Variants in ITPR2 observed in about 807,000 individuals in gnomAD.
ITPR2 encodes the protein inositol 1,4,5-trisphosphate receptor type 2.
Under a neutral mutation model 317.1 loss-of-function variants are expected in ITPR2, and 207 were observed. The ratio of observed to expected loss-of-function variants is 0.65; its 90% CI spans 0.58 to 0.73. The LOEUF (loss-of-function observed/expected upper bound fraction) is 0.73. Among genes scored for constraint, ITPR2 ranks in the 30% least tolerant of loss-of-function variants. The probability of loss-of-function intolerance (pLI) is 0.00; values close to 1 mark genes in which losing one functional copy is unlikely to be tolerated. For synonymous variants in ITPR2, 1,156 were observed against 1,149.1 expected (o/e 1.01, Z -0.12); for missense variants, 2,613 against 3,284.0 (o/e 0.80, Z 4.99).
At chr12:26,490,609 T>C (rs1278277805) in intron 39 of ITPR2, among the ~76,000 whole-genome samples, 1 of 152,136 alleles carries the variant, frequency 6.6e-6, no homozygotes, top group African/African-American at 2.4e-5. Flanking sequence ...GGTCAGGAGT[T>C]GGAGACCAGC....
intron 18 of ITPR2, 135 bp from the exon 19 acceptor site, chr12:26,656,683 G>A (rs915925117): frequency 2.2e-5 from 19 of 854,490 alleles, no homozygotes; most frequent in African/African-American, 2.0e-4. Flanking sequence ...ACTCTTGACT[G>A]TAGTATGTTA....
At chr12:26,434,104 G>A (rs1276617232) in intron 48 of ITPR2, among the ~76,000 whole-genome samples, 1 of 152,000 alleles carries the variant, frequency 6.6e-6, no homozygotes, top group African/African-American at 2.4e-5. Context: ...ACCATTAATG[G>A]GTAAAGAATG....
At chr12:26,767,764 T>C (rs1949748791) in intron 2 of ITPR2, among the ~76,000 whole-genome samples, 18 of 152,236 alleles carry the variant, frequency 1.2e-4, no homozygotes, top group Admixed American at 1.2e-3. Context: ...TAAATTACGA[T>C]GTATTAAATC....
At position 26,589,849 on chromosome 12, in the gene ITPR2, TATATAC is replaced by T. The variant is rs1320715950; in HGVS notation, c.4380+5610_4380+5615del. Among the ~76,000 whole-genome samples, 25 of 39,844 alleles carry T rather than the reference TATATAC, an allele frequency of 6.3e-4. 1 individual carries two copies. Among genetic ancestry groups the T allele is most frequent in the Admixed American group, 1.8e-3 (6 of 3,276 alleles). The allele number at this position is 39,844 out of a possible 152,430, so 26.1% of individuals were successfully genotyped here. A position where few individuals can be genotyped will look rare whatever the true frequency, so the allele number is the denominator to read the frequency against. Reference sequence around the variant, plus strand: ...ATAAATAAACATATATATATATATATATATACACACACACACACACACACACACACA... The same window carrying T: ...ATAAATAAACATATATATATATATATACACACACACACACACACACACACA... On this transcript the variant is annotated intron_variant, in intron 32 of 56. Coordinates refer to ENST00000381340, the MANE Select transcript of ITPR2 (RefSeq NM_002223.4).
chr12:26,414,264 T>TA (rs1718277892), intron 51 of ITPR2, among the ~76,000 whole-genome samples: 1 of 152,180 alleles, frequency 6.6e-6, no homozygotes, highest in African/African-American at 2.4e-5. Flanking sequence ...ATATATGATG[T>TA]TTCCATTCTG....
chr12:26,408,086 G>A (rs1011493084), intron 52 of ITPR2, among the ~76,000 whole-genome samples: 1 of 152,158 alleles, frequency 6.6e-6, no homozygotes, highest in African/African-American at 2.4e-5. Flanking sequence ...CTATTGTGAT[G>A]ATCAGTCATA....
rs200974007 is a variant in ITPR2, at chr12:26,427,500, CT to C, written c.6945+412del. 4.3e-3 allele frequency among the ~76,000 whole-genome samples: 648 copies of C among 152,108 alleles called. 3 individuals carry two copies. Among genetic ancestry groups the C allele is most frequent in the Middle Eastern group, 0.01 (3 of 294 alleles). ...ATTTTCTCATATAGAAATCCTTTTT[CT>C]TAGGTCATTTGATGAAAGGTGCCCA... On this transcript the variant is annotated intron_variant, in intron 49 of 56. Transcript: ENST00000381340.
chr12:26,502,889 T>C (rs1391019439), intron 37 of ITPR2, among the ~76,000 whole-genome samples: 2 of 152,202 alleles, frequency 1.3e-5, no homozygotes, highest in Non-Finnish European at 2.9e-5. Context: ...TTCTGTGATG[T>C]CTGTTATATT....
At chr12:26,643,159 C>T (rs986262336) in intron 21 of ITPR2, among the ~76,000 whole-genome samples, 4 of 152,124 alleles carry the variant, frequency 2.6e-5, no homozygotes, top group Non-Finnish European at 5.9e-5. Flanking sequence ...AGCAGACCCC[C>T]ACTGGACACC....
chr12:26,737,458 T>C (rs968257404), intron 2 of ITPR2, among the ~76,000 whole-genome samples: 1 of 152,130 alleles, frequency 6.6e-6, no homozygotes, highest in African/African-American at 2.4e-5. Context: ...TTTCACCATG[T>C]TGGACAGGCT....
chr12:26,442,277 C>T (rs892849211), intron 46 of ITPR2, among the ~76,000 whole-genome samples: 5 of 152,094 alleles, frequency 3.3e-5, no homozygotes, highest in African/African-American at 7.2e-5. Context: ...CGCTCAGGCA[C>T]CACTAATTAT....
chr12:26,349,106 C>T (rs1478621524), intron 55 of ITPR2, among the ~76,000 whole-genome samples: 3 of 152,138 alleles, frequency 2.0e-5, no homozygotes, highest in Admixed American at 1.3e-4. Context: ...TATGATCATG[C>T]CACTGCACTC....
chr12:26,773,335 T>C (rs991704458), intron 2 of ITPR2, among the ~76,000 whole-genome samples: 2 of 152,220 alleles, frequency 1.3e-5, no homozygotes, highest in Non-Finnish European at 2.9e-5. Context: ...AAAAAATACA[T>C]ATTTATTCAG....
chr12:26,403,763 C>T (rs942907496), intron 52 of ITPR2, among the ~76,000 whole-genome samples: 3 of 152,176 alleles, frequency 2.0e-5, no homozygotes, highest in African/African-American at 7.2e-5. Flanking sequence ...TTTGCCTTGA[C>T]TCATCAATGT....
At chr12:26,829,113 C>A (rs1356306338) in intron 1 of ITPR2, among the ~76,000 whole-genome samples, 1 of 152,130 alleles carries the variant, frequency 6.6e-6, no homozygotes, top group Non-Finnish European at 1.5e-5. Flanking sequence ...CTGAAAGCAA[C>A]TTTCAAGTGT....
At chr12:26,462,673 C>CTTTT (rs1555134095) in intron 45 of ITPR2, among the ~76,000 whole-genome samples, 1 of 62,776 alleles carries the variant, frequency 1.6e-5, no homozygotes. Context: ...AGCTTTCTTT[C>CTTTT]TTTTTTTTTT....
chr12:26,452,651 A>G (rs1326353815), intron 45 of ITPR2, among the ~76,000 whole-genome samples: 1 of 152,166 alleles, frequency 6.6e-6, no homozygotes, highest in Non-Finnish European at 1.5e-5. Flanking sequence ...AAGTGAGTGC[A>G]TTCTCACTCT....
In ITPR2 at chr12:26,376,073, C is replaced by T. The variant is rs143499532; in HGVS notation, c.7857+11361G>A. On this transcript the variant is annotated intron_variant, in intron 55 of 56. Coordinates refer to ENST00000381340, the MANE Select transcript of ITPR2 (RefSeq NM_002223.4). Reference sequence around the variant, plus strand: ...CCAGGATCATGTCTGAGCAAAAGGGCGAGACCCGGTCTCAAAAAAGACACT... The same window carrying T: ...CCAGGATCATGTCTGAGCAAAAGGGTGAGACCCGGTCTCAAAAAAGACACT... Among the ~76,000 whole-genome samples the T allele has an allele frequency of 4.7e-3, 719 of 152,212 alleles. 3 individuals are homozygous for T. The highest frequency in any genetic ancestry group is 7.9e-3 in the Non-Finnish European group (535 of 68,012).
intron 1 of ITPR2, among the ~76,000 whole-genome samples, chr12:26,814,660 C>A (rs1485294057): frequency 6.6e-6 from 1 of 152,058 alleles, no homozygotes; most frequent in African/African-American, 2.4e-5. Flanking sequence ...GTTTATTCTT[C>A]AAAGTGTTTT....
Sources: gnomAD v4.1 joint callset for allele counts (sites outside exome capture counted in the v4.1 genomes callset) on GRCh38, gnomAD v4.1.1 for gene constraint, MANE v1.5 for transcripts, NCBI Gene and HGNC (gene_info 2026-07-23, HGNC 2026-07-21) for gene names.